The following RNF8 variants were observed in gnomAD, a reference collection of about 807,000 sequenced individuals.
RNF8 encodes the protein ring finger protein 8.
Under a neutral mutation model 59.3 loss-of-function variants are expected in RNF8, and 8 were observed. The ratio of observed to expected loss-of-function variants is 0.13; its 90% CI spans 0.08 to 0.24. The LOEUF (loss-of-function observed/expected upper bound fraction) is 0.24. Among genes scored for constraint, RNF8 ranks in the 10% least tolerant of loss-of-function variants. The probability of loss-of-function intolerance (pLI) is 1.00; values close to 1 mark genes in which losing one functional copy is unlikely to be tolerated. For synonymous variants in RNF8, 162 were observed against 200.0 expected (o/e 0.81, Z 1.60); for missense variants, 406 against 572.6 (o/e 0.71, Z 2.97).
At chr6:37,385,306 C>G (rs1207860640) in intron 7 of RNF8, among the ~76,000 whole-genome samples, 1 of 151,524 alleles carries the variant, frequency 6.6e-6, no homozygotes, top group African/African-American at 2.4e-5. Context: ...AGCCACCGCG[C>G]CTGGCTCTTA....
chr6:37,381,008 C>CT (rs1770238411), intron 6 of RNF8, 142 bp from the exon 7 acceptor site: 3 of 746,038 alleles, frequency 4.0e-6, no homozygotes, highest in Non-Finnish European at 6.9e-6. Context: ...TTCTGATACT[C>CT]TTTATAAGCC....
At chr6:37,356,116 T>C (rs1212864234) in intron 1 of RNF8, among the ~76,000 whole-genome samples, 3 of 152,166 alleles carry the variant, frequency 2.0e-5, no homozygotes, top group African/African-American at 7.2e-5. Context: ...AAGAAGACTA[T>C]AAAGCAGTCT....
chr6:37,360,414 A>G lies in RNF8; in HGVS notation c.112-32A>G. ...ACCTCCCTTTTCAGCACAATGACTG[A>G]TGGTATTTCTTGCATTGTTGTTGTC... On this transcript the variant is annotated intron_variant, in intron 1 of 7. Transcript: ENST00000373479. This position sits in a 1 kb window ranked among gnomAD's most constrained non-coding sequence, Gnocchi z 4.2. 1.2e-6 allele frequency: 2 copies of G among 1,607,570 alleles called. No homozygotes were observed. Among genetic ancestry groups the G allele is most frequent in the Middle Eastern group, 1.7e-4 (1 of 6,044 alleles).
At chr6:37,381,113 G>A (rs1770242006) in intron 6 of RNF8, 37 bp from the exon 7 acceptor site, 3 of 1,565,556 alleles carry the variant, frequency 1.9e-6, no homozygotes. Flanking sequence ...AAGTAAGCAT[G>A]AAAGTTCTGA....
At chr6:37,369,263 G>A (rs879085412) in intron 3 of RNF8, 45 bp downstream of exon 3, 5 of 1,525,570 alleles carry the variant, frequency 3.3e-6, no homozygotes, top group Non-Finnish European at 4.4e-6. Context: ...CAGGGGTGGG[G>A]CAGGCACTTC....
chr6:37,354,414 G>A (rs558238964), intron 1 of RNF8, 139 bp downstream of exon 1: 9 of 667,622 alleles, frequency 1.3e-5, no homozygotes, highest in East Asian at 5.9e-5. Context: ...AAGTGTCTGT[G>A]GGGGGGGTGG....
chr6:37,374,975 T>A (rs1387256206), intron 5 of RNF8, among the ~76,000 whole-genome samples: 1 of 152,254 alleles, frequency 6.6e-6, no homozygotes, highest in Non-Finnish European at 1.5e-5. Context: ...GGGTACTCCT[T>A]CAGAGTGTGT....
At chr6:37,364,961 G>A (rs575348179) in intron 2 of RNF8, among the ~76,000 whole-genome samples, 1 of 152,180 alleles carries the variant, frequency 6.6e-6, no homozygotes, top group South Asian at 2.1e-4. Flanking sequence ...GTAGAGGTGG[G>A]TTTCACCATG....
chr6:37,370,776 G>A (rs1266105467), intron 3 of RNF8, among the ~76,000 whole-genome samples: 1 of 150,856 alleles, frequency 6.6e-6, no homozygotes, highest in African/African-American at 2.4e-5. Flanking sequence ...CTTACCAAAT[G>A]GTTTTTGCCA....
intron 5 of RNF8, among the ~76,000 whole-genome samples, 200 bp from the exon 6 acceptor site, chr6:37,376,725 AG>A (rs1770034249): frequency 6.6e-6 from 1 of 152,222 alleles, no homozygotes; most frequent in African/African-American, 2.4e-5. Context: ...GAGGAAAGAA[AG>A]GAGGTTAGTG....
chr6:37,381,116 A>G, intron 6 of RNF8, 34 bp from the exon 7 acceptor site: 1 of 1,571,704 alleles, frequency 6.4e-7, no homozygotes, highest in Non-Finnish European at 8.8e-7. Context: ...TAAGCATGAA[A>G]GTTCTGATAT....
chr6:37,388,936 A>T (rs1481334148), intron 7 of RNF8, among the ~76,000 whole-genome samples: 1 of 94,240 alleles, frequency 1.1e-5, no homozygotes, highest in Admixed American at 1.0e-4. Context: ...CTATCTCTTT[A>T]AAAAAAAAAA....
At chr6:37,364,945 T>G (rs1298513741) in intron 2 of RNF8, among the ~76,000 whole-genome samples, 1 of 152,132 alleles carries the variant, frequency 6.6e-6, no homozygotes, top group African/African-American at 2.4e-5. Context: ...AATTTTTGTC[T>G]TTTTAGTAGA....
At chr6:37,388,094 A>G (rs1770585025) in intron 7 of RNF8, among the ~76,000 whole-genome samples, 1 of 152,156 alleles carries the variant, frequency 6.6e-6, no homozygotes, top group African/African-American at 2.4e-5. Context: ...AAGAGACGAC[A>G]TGGTGCTGGG....
chr6:37,366,169 G>A (rs539832007), intron 2 of RNF8, among the ~76,000 whole-genome samples: 27 of 152,244 alleles, frequency 1.8e-4, no homozygotes, highest in African/African-American at 5.8e-4. Context: ...AGTTCTGAGG[G>A]CAAACTTCCT....
At chr6:37,371,615 G>A (rs541434141) in intron 4 of RNF8, 41 bp downstream of exon 4, 1 of 1,550,834 alleles carries the variant, frequency 6.4e-7, no homozygotes, top group African/African-American at 1.4e-5. Context: ...GGGCTGTGGA[G>A]TGGGGAGCAA....
In RNF8 at chr6:37,390,953, C is replaced by T. The variant is rs879843170; in HGVS notation, c.*195C>T. 32 of 830,846 alleles carry T rather than the reference C, an allele frequency of 3.9e-5. No homozygotes were observed. The highest frequency in any genetic ancestry group is 3.3e-4 in the Admixed American group (16 of 48,668). 51.5% of individuals were successfully genotyped at this position (830,846 alleles called of 1,614,324 possible). ...GCCCTGCTGCCATCATTGGCTGAAG[C>T]ACCACCAGGATTCACGGCACCCAAC... is the stretch of plus-strand genomic sequence containing the variant. On this transcript the variant is annotated 3_prime_UTR_variant, in exon 8 of 8. Coordinates refer to ENST00000373479, the MANE Select transcript of RNF8 (RefSeq NM_003958.4).
At chr6:37,361,081 G>A (rs1430161189) in intron 2 of RNF8, 1 of 353,698 alleles carries the variant, frequency 2.8e-6, no homozygotes, top group African/African-American at 2.2e-5. Flanking sequence ...TGAATAATGG[G>A]TTTTTCTCCT....
At chr6:37,372,988 A>G (rs867302837) in intron 4 of RNF8, among the ~76,000 whole-genome samples, 3 of 152,288 alleles carry the variant, frequency 2.0e-5, no homozygotes, top group East Asian at 1.9e-4. Context: ...CTTTTAGGTC[A>G]TGGTTCTATA....
Sources: allele counts gnomAD v4.1 joint callset (sites outside exome capture counted in the v4.1 genomes callset), GRCh38; gene constraint gnomAD v4.1.1; non-coding constraint Gnocchi (gnomAD v3.1); transcripts MANE v1.5; gene names NCBI Gene and HGNC (gene_info 2026-07-23, HGNC 2026-07-21).